Variants in DOP1B observed in about 807,000 individuals in gnomAD.
The protein encoded by DOP1B is protein DOP1B.
A neutral mutation model predicts 233.5 loss-of-function variants in DOP1B; 174 were observed. The ratio of observed to expected loss-of-function variants is 0.75; its 90% CI spans 0.66 to 0.85. The LOEUF (loss-of-function observed/expected upper bound fraction) is 0.85. Among genes scored for constraint, DOP1B ranks in the 40% least tolerant of loss-of-function variants. The pLI, the probability that DOP1B is intolerant of heterozygous loss-of-function variation, is 0.00. For missense variants in DOP1B, 2,652 were observed against 2,846.6 expected (o/e 0.93, Z 1.56); for synonymous variants, 1,190 against 1,185.6 (o/e 1.00, Z -0.08).
chr21:36,251,852 G>A (rs545877905), intron 22 of DOP1B, among the ~76,000 whole-genome samples: 75 of 152,288 alleles, frequency 4.9e-4, no homozygotes, highest in African/African-American at 1.6e-3. Context: ...TATAGTACTT[G>A]TGTTTAATCT....
intron 2 of DOP1B, among the ~76,000 whole-genome samples, chr21:36,177,676 G>A (rs111724295): frequency 0.059 from 8,974 of 152,224 alleles, 397 homozygotes; most frequent in Middle Eastern, 0.21. Context: ...GGAACTGGTA[G>A]CTAAATAAGA....
chr21:36,209,207 C>T (rs762649050), intron 5 of DOP1B, among the ~76,000 whole-genome samples: 38 of 152,194 alleles, frequency 2.5e-4, no homozygotes, highest in Non-Finnish European at 4.0e-4. Flanking sequence ...CTGCAAGCTT[C>T]GCCTCCCGGG....
chr21:36,200,553 C>T (rs765630183), intron 4 of DOP1B, 52 bp downstream of exon 4: 11 of 1,528,834 alleles, frequency 7.2e-6, no homozygotes, highest in East Asian at 4.6e-5. Flanking sequence ...TTATAAGACG[C>T]GGGGAGGGGG....
chr21:36,283,264 G>A (rs1420705182), intron 32 of DOP1B, among the ~76,000 whole-genome samples: 2 of 151,880 alleles, frequency 1.3e-5, no homozygotes, highest in East Asian at 1.9e-4. Flanking sequence ...AATTTTTTTA[G>A]TAGAGACAGG....
At chr21:36,254,183 G>C (rs1006119140) in intron 23 of DOP1B, among the ~76,000 whole-genome samples, 2 of 152,078 alleles carry the variant, frequency 1.3e-5, no homozygotes, top group African/African-American at 2.4e-5. Context: ...ACATGGGTTA[G>C]CGCCTTCTGG....
intron 2 of DOP1B, among the ~76,000 whole-genome samples, chr21:36,173,567 G>A (rs1464692231): frequency 3.3e-5 from 5 of 151,666 alleles, no homozygotes; most frequent in Admixed American, 6.6e-5. Context: ...GACTACAGGC[G>A]CCCACCACCA....
intron 2 of DOP1B, among the ~76,000 whole-genome samples, chr21:36,179,938 G>A (rs2066076996): frequency 6.6e-6 from 1 of 152,142 alleles, no homozygotes; most frequent in Non-Finnish European, 1.5e-5. Flanking sequence ...TGAAGCCTCT[G>A]GACACAGGGG....
chr21:36,177,560 T>C (rs2123423010), intron 2 of DOP1B, among the ~76,000 whole-genome samples: 1 of 152,244 alleles, frequency 6.6e-6, no homozygotes, highest in Non-Finnish European at 1.5e-5. Context: ...TTGACAATAT[T>C]GGGGTTGGGG....
chr21:36,208,711 A>T lies in DOP1B; in HGVS notation c.492-4A>T. On this transcript the variant is annotated splice_region_variant and splice_polypyrimidine_tract_variant and intron_variant, in intron 4 of 36. Coordinates refer to ENST00000691173, the MANE Select transcript of DOP1B (RefSeq NM_001320714.2). ...CCTTGAACCCTATCCTCTCTCATCA[A>T]CAGAACGGATGCTCTGCTCCTGAGA... 1 of 1,612,340 alleles carries T rather than the reference A, an allele frequency of 6.2e-7. No homozygotes were observed. Among genetic ancestry groups the T allele is most frequent in the Non-Finnish European group, 8.5e-7 (1 of 1,179,260 alleles).
rs115481330 is a variant in DOP1B, at chr21:36,284,613, G to T, written c.6160+3002G>T. 6.8e-3 allele frequency among the ~76,000 whole-genome samples: 1,033 copies of T among 152,000 alleles called. 16 individuals are homozygous for T. Among genetic ancestry groups the T allele is most frequent in the African/African-American group, 0.024 (982 of 41,488 alleles). On this transcript the variant is annotated intron_variant, in intron 32 of 36. Coordinates refer to ENST00000691173, the MANE Select transcript of DOP1B (RefSeq NM_001320714.2). ...CATCTCACACTCCTCTCAAATTTGG[G>T]AGGAAGCCCAGATAGCTAAATAGAC...
intron 32 of DOP1B, among the ~76,000 whole-genome samples, chr21:36,282,301 T>A (rs1031760700): frequency 1.3e-5 from 2 of 151,952 alleles, no homozygotes; most frequent in Admixed American, 1.3e-4. Flanking sequence ...GCACCTGTAA[T>A]CCCAGCTACT....
Position 36,292,212 on chromosome 21 carries a change from A to C in DOP1B, c.6624A>C (p.Glu2208Asp). The C allele has an allele frequency of 6.3e-7, 1 of 1,594,348 alleles. No homozygotes were observed. Among genetic ancestry groups the C allele is most frequent in the Non-Finnish European group, 8.5e-7 (1 of 1,174,266 alleles). The change falls in exon 36 of 37, where the codon GAA (glutamate) becomes GAC (aspartate). Residue 2208 changes from glutamate (E) to aspartate (D), a missense_variant. Glu to Asp is a conservative substitution (Grantham distance 45). Transcript: ENST00000691173. Reference protein sequence around the residue: ...ECKPHTVRILELLKLKFGEIS... With the variant: ...ECKPHTVRILDLLKLKFGEIS... The stretch of plus-strand genomic sequence containing the variant: ...AACCCCACACTGTCAGGATTCTAGA[A>C]CTTCTAAAATTAAAGTTTGGGGTAA...
In DOP1B at chr21:36,227,355, G is replaced by C. The variant is rs561349190; in HGVS notation, c.1474-331G>C. On this transcript the variant is annotated intron_variant, in intron 12 of 36. Transcript: ENST00000691173. ...AAAGTCAGGAGATCGAGACCATCCT[G>C]GCTAACACGGTGAAACCCCATCTCT... Among the ~76,000 whole-genome samples the C allele has an allele frequency of 1.5e-3, 230 of 151,814 alleles. 2 individuals carry two copies. Among genetic ancestry groups the C allele is most frequent in the African/African-American group, 5.4e-3 (224 of 41,388 alleles).
At position 36,158,143 on chromosome 21, in the gene DOP1B, A is replaced by G. The variant is rs377726905; in HGVS notation, c.-27+1200A>G. On this transcript the variant is annotated intron_variant, in intron 1 of 36. Coordinates refer to ENST00000691173, the MANE Select transcript of DOP1B (RefSeq NM_001320714.2). Reference sequence around the variant, plus strand: ...AAATTAAAAATGGGTAAAGAGAGAGATTTCTTGCTGACATTTTCGATTTTA... The same window carrying G: ...AAATTAAAAATGGGTAAAGAGAGAGGTTTCTTGCTGACATTTTCGATTTTA... Among the ~76,000 whole-genome samples the G allele has an allele frequency of 3.3e-5, 5 of 152,150 alleles. No individual in the cohort carries two copies. In the East Asian group the frequency reaches 7.7e-4, roughly 23 times the overall value.
At chr21:36,191,063 G>C (rs1440476459) in intron 2 of DOP1B, among the ~76,000 whole-genome samples, 1 of 152,170 alleles carries the variant, frequency 6.6e-6, no homozygotes, top group African/African-American at 2.4e-5. Flanking sequence ...ATGAGAGTTA[G>C]AAGGAATTTG....
intron 32 of DOP1B, among the ~76,000 whole-genome samples, chr21:36,283,474 T>C (rs2067442473): frequency 1.3e-5 from 2 of 152,242 alleles, no homozygotes. Context: ...CTTTACACTT[T>C]AACTGACATA....
intron 16 of DOP1B, among the ~76,000 whole-genome samples, chr21:36,238,392 G>C (rs890025791): frequency 6.6e-6 from 1 of 152,180 alleles, no homozygotes; most frequent in Non-Finnish European, 1.5e-5. Flanking sequence ...ATGTGCCGCT[G>C]TGTTAAAGTG....
At chr21:36,182,971 G>T (rs1377870681) in intron 2 of DOP1B, among the ~76,000 whole-genome samples, 1 of 152,202 alleles carries the variant, frequency 6.6e-6, no homozygotes, top group Non-Finnish European at 1.5e-5. Flanking sequence ...GCATGCTGTG[G>T]CATGGCAGAC....
chr21:36,225,105 A>G (rs2066667187), intron 11 of DOP1B, among the ~76,000 whole-genome samples: 2 of 152,320 alleles, frequency 1.3e-5, no homozygotes, highest in South Asian at 4.1e-4. Context: ...TCTACATGTT[A>G]GATACTTTTA....
Sources: gnomAD v4.1 joint callset for allele counts (sites outside exome capture counted in the v4.1 genomes callset) on GRCh38, gnomAD v4.1.1 for gene constraint, MANE v1.5 for transcripts, NCBI Gene and HGNC (gene_info 2026-07-23, HGNC 2026-07-21) for gene names.